CLIC5: variants seen among roughly 807,000 people sequenced by gnomAD.
CLIC5 encodes chloride intracellular channel protein 5.
In CLIC5, 20 loss-of-function variants were observed where a neutral mutation model predicts 24.7. The observed-to-expected ratio is 0.81, with a 90% CI of 0.57 to 1.18. The LOEUF (loss-of-function observed/expected upper bound fraction) is 1.18. Among genes scored for constraint, CLIC5 ranks in the 50% most tolerant of loss-of-function variants. CLIC5 has a pLI of 0.00. For synonymous variants in CLIC5, 159 were observed against 135.6 expected, an observed-to-expected ratio of 1.17 and a Z score of -1.20; for missense variants, 341 against 326.1, an observed-to-expected ratio of 1.05 and a Z score of -0.35.
At chr6:46,077,672 A>T (rs935350343) in intron 1 of CLIC5, among the ~76,000 whole-genome samples, 2 of 152,166 alleles carry the variant, frequency 1.3e-5, no homozygotes, top group Non-Finnish European at 2.9e-5. Flanking sequence ...AATATCCTTA[A>T]AAAGGAGTTT....
At chr6:45,946,677 C>T (rs1439498694) in intron 3 of CLIC5, among the ~76,000 whole-genome samples, 1 of 152,192 alleles carries the variant, frequency 6.6e-6, no homozygotes, top group African/African-American at 2.4e-5. Flanking sequence ...GCTGGTGAGG[C>T]TGGTGGTTTG....
At chr6:45,917,835 G>A (rs746349602) in intron 4 of CLIC5, among the ~76,000 whole-genome samples, 5 of 152,140 alleles carry the variant, frequency 3.3e-5, no homozygotes, top group South Asian at 4.2e-4. Flanking sequence ...AGGAACAAGG[G>A]GGATGTGAAA....
chr6:45,950,080 T>C (rs1764418381), intron 2 of CLIC5, among the ~76,000 whole-genome samples: 1 of 152,180 alleles, frequency 6.6e-6, no homozygotes, highest in African/African-American at 2.4e-5. Context: ...GCTAAGATTA[T>C]TGCTCCACAA....
At chr6:46,014,472 T>G (rs1165017623) in intron 1 of CLIC5, 1 of 152,196 alleles carries the variant, frequency 6.6e-6, no homozygotes, top group Non-Finnish European at 1.5e-5. Flanking sequence ...TGCATATTTC[T>G]AGGGAAACTT....
intron 1 of CLIC5, among the ~76,000 whole-genome samples, chr6:45,972,744 T>C (rs1765243277): frequency 6.6e-6 from 1 of 152,216 alleles, no homozygotes; most frequent in Non-Finnish European, 1.5e-5. Flanking sequence ...TCAGAACCTT[T>C]GCAAGATAAA....
chr6:46,081,193 C>T (rs1762913796), upstream of CLIC5, among the ~76,000 whole-genome samples: 1 of 152,206 alleles, frequency 6.6e-6, no homozygotes, highest in East Asian at 1.9e-4. Flanking sequence ...CAAGGCTGTT[C>T]AGTCAATGCC....
chr6:46,026,974 G>A (rs1022149798), intron 1 of CLIC5, among the ~76,000 whole-genome samples: 1 of 152,106 alleles, frequency 6.6e-6, no homozygotes, highest in Non-Finnish European at 1.5e-5. Flanking sequence ...TGATTCCACT[G>A]AGATGGCAAT....
chr6:45,983,376 G>A (rs181513728), intron 1 of CLIC5, among the ~76,000 whole-genome samples: 2 of 152,334 alleles, frequency 1.3e-5, no homozygotes, highest in East Asian at 3.9e-4. Context: ...CTACCTAGTG[G>A]GAGTTGGGTT....
At chr6:45,940,747 C>T (rs1432742951) in intron 4 of CLIC5, among the ~76,000 whole-genome samples, 1 of 152,188 alleles carries the variant, frequency 6.6e-6, no homozygotes, top group Non-Finnish European at 1.5e-5. Flanking sequence ...GGATAAAAAT[C>T]CAAGCCCCCC....
chr6:45,974,080 G>A (rs1449732255), intron 1 of CLIC5, among the ~76,000 whole-genome samples: 2 of 152,164 alleles, frequency 1.3e-5, no homozygotes, highest in African/African-American at 4.8e-5. Flanking sequence ...AAAGTAATAA[G>A]AACAGTGTGA....
At chr6:46,016,431 C>G (rs533061369), upstream of CLIC5, among the ~76,000 whole-genome samples, 2 of 152,120 alleles carry the variant, frequency 1.3e-5, no homozygotes, top group Non-Finnish European at 2.9e-5. Flanking sequence ...CAGGGCAGGG[C>G]AGGGGTGGCT....
intron 5 of CLIC5, among the ~76,000 whole-genome samples, chr6:45,908,662 T>A (rs542744083): frequency 9.2e-5 from 14 of 152,288 alleles, no homozygotes; most frequent in African/African-American, 2.6e-4. Context: ...CTATTTTTTT[T>A]AATTTATTGA....
In CLIC5 at chr6:45,905,187, A is replaced by T. The variant is rs556573304; in HGVS notation, c.589-1932T>A. Reference sequence around the variant, plus strand: ...TTGTGAAGAGAGCTGTCATAAATATATGAATGCATATGAAATTTTTTTGGT... The same window carrying T: ...TTGTGAAGAGAGCTGTCATAAATATTTGAATGCATATGAAATTTTTTTGGT... On this transcript the variant is annotated intron_variant, in intron 5 of 5. Transcript: ENST00000339561. Among the ~76,000 whole-genome samples, 134 of 152,358 alleles carry T rather than the reference A, an allele frequency of 8.8e-4. 1 individual carries two copies. The highest frequency in any genetic ancestry group is 1.2e-3 in the Non-Finnish European group (84 of 68,034).
At chr6:46,048,797 G>A (rs919158942) in intron 1 of CLIC5, among the ~76,000 whole-genome samples, 1 of 152,126 alleles carries the variant, frequency 6.6e-6, no homozygotes, top group African/African-American at 2.4e-5. Flanking sequence ...GGGAAGAATG[G>A]GGGCCAAGAG....
the CLIC5 span, among the ~76,000 whole-genome samples, chr6:46,119,610 G>A: frequency 3.9e-5 from 6 of 152,230 alleles, no homozygotes; most frequent in South Asian, 2.1e-4. Context: ...GCAGTGCACC[G>A]AGCATGAGCT....
At chr6:45,898,201 T>C (rs375388686), downstream of CLIC5, among the ~76,000 whole-genome samples, 1 of 152,242 alleles carries the variant, frequency 6.6e-6, no homozygotes, top group South Asian at 2.1e-4. Flanking sequence ...GCCTCCAAAG[T>C]AGCTGGGATT....
chr6:46,085,239 G>A (rs1264345443), upstream of CLIC5, among the ~76,000 whole-genome samples: 2 of 152,168 alleles, frequency 1.3e-5, no homozygotes, highest in Admixed American at 1.3e-4. Flanking sequence ...ATAGCTCGGA[G>A]TAGTTTGATC....
intron 1 of CLIC5, among the ~76,000 whole-genome samples, chr6:46,009,648 T>C (rs2127441119): frequency 6.6e-6 from 1 of 152,296 alleles, no homozygotes; most frequent in Non-Finnish European, 1.5e-5. Flanking sequence ...TGGTAGATAA[T>C]ACGTGTGCAT....
At chr6:46,124,193 C>A in the CLIC5 span, among the ~76,000 whole-genome samples, 1 of 152,162 alleles carries the variant, frequency 6.6e-6, no homozygotes, top group Non-Finnish European at 1.5e-5. Flanking sequence ...GACTACAAGG[C>A]TACAGTAACC....
Sources: allele counts gnomAD v4.1 joint callset (sites outside exome capture counted in the v4.1 genomes callset), GRCh38; gene constraint gnomAD v4.1.1; transcripts MANE v1.5; gene names NCBI Gene and HGNC (gene_info 2026-07-23, HGNC 2026-07-21).